Variants in NCOA4 observed in about 807,000 individuals in gnomAD.
NCOA4 encodes the protein 70 kDa AR-activator.
In NCOA4, 31 loss-of-function variants were observed where a neutral mutation model predicts 69.5. The ratio of observed to expected loss-of-function variants is 0.45; its 90% CI spans 0.34 to 0.60. The LOEUF is 0.60. Among genes scored for constraint, NCOA4 ranks in the 20% least tolerant of loss-of-function variants. The pLI is 0.02. For missense variants in NCOA4, 600 were observed against 719.2 expected, an observed-to-expected ratio of 0.83 and a Z score of 1.90; for synonymous variants, 228 against 252.4, an observed-to-expected ratio of 0.90 and a Z score of 0.92.
intron 2 of NCOA4, 115 bp downstream of exon 2, chr10:46,016,425 C>T (rs1297151721): frequency 1.1e-5 from 10 of 944,070 alleles, no homozygotes; most frequent in South Asian, 3.9e-5. Context: ...AAGTAGACCA[C>T]GCAAGGCATG....
intron 7 of NCOA4, among the ~76,000 whole-genome samples, chr10:46,011,792 G>A (rs1280101130): frequency 3.3e-5 from 5 of 151,574 alleles, no homozygotes; most frequent in African/African-American, 1.2e-4. Flanking sequence ...GGTGGTTCAC[G>A]CCTGTAATCC....
At chr10:46,024,652 G>A (rs1840063243) in intron 1 of NCOA4, among the ~76,000 whole-genome samples, 1 of 152,190 alleles carries the variant, frequency 6.6e-6, no homozygotes, top group Non-Finnish European at 1.5e-5. Context: ...TCTGCACTCA[G>A]ACCACTTTAC....
Position 46,011,755 on chromosome 10 carries a change from TAAAC to T in NCOA4, c.715-553_715-550del, listed in dbSNP as rs142140061. On this transcript the variant is annotated intron_variant, in intron 7 of 9. Transcript: ENST00000581486. The stretch of plus-strand genomic sequence containing the variant: ...CAGGCAAGTCATCAAAGAAGCCTAA[TAAAC>T]ATGAAAATACTTGGCCGGGTACGGT... 4.7e-3 allele frequency among the ~76,000 whole-genome samples: 720 copies of T among 151,762 alleles called. 5 individuals are homozygous for T. The highest frequency in any genetic ancestry group is 0.019 in the East Asian group (98 of 5,110).
chr10:46,010,917 T>C lies in NCOA4; in HGVS notation c.1004A>G (p.Tyr335Cys), dbSNP rs782671209. 3.7e-6 allele frequency: 6 copies of C among 1,613,986 alleles called. No homozygotes were observed. Among genetic ancestry groups the C allele is most frequent in the African/African-American group, 2.7e-5 (2 of 75,052 alleles). ...SEKFKLLFQS[Y>C]NVNDWLVKTD... ...CTTGACAAGCCAATCATTCACATTA[T>C]AGGACTGGAATAAGAGCTTAAACTT... Residue 335 changes from tyrosine to cysteine, a missense_variant, in exon 8 of 10, where the codon TAT (tyrosine) becomes TGT (cysteine). Physicochemically the swap from Tyr to Cys is radical, Grantham distance 194. Transcript: ENST00000581486.
intron 1 of NCOA4, among the ~76,000 whole-genome samples, chr10:46,027,224 T>C (rs1554925652): frequency 1.5e-5 from 2 of 131,066 alleles, no homozygotes; most frequent in Admixed American, 9.0e-5. Flanking sequence ...TGAGCGGAGA[T>C]CGCCCACTGC....
At chr10:46,007,985 C>T (rs1427032413) in intron 9 of NCOA4, among the ~76,000 whole-genome samples, 2 of 152,154 alleles carry the variant, frequency 1.3e-5, no homozygotes, top group African/African-American at 2.4e-5. Context: ...AACAACAAAG[C>T]TTGGATGACA....
rs1839359168 is a variant in NCOA4, at chr10:46,013,550, C to T, written c.570G>A (p.Gln190=). The T allele has an allele frequency of 6.2e-7, 1 of 1,604,160 alleles. No individual in the cohort carries two copies. Among genetic ancestry groups the T allele is most frequent in the Non-Finnish European group, 8.5e-7 (1 of 1,172,264 alleles). Residue 190 remains glutamine (Q), a splice_region_variant and synonymous_variant, in exon 6 of 10, where the codon CAG becomes CAA. Transcript: ENST00000581486. ...EKRGCISMPE[Q]KSASGIVAVP... is the part of the protein sequence containing the mutation. ...TACCAAAAACAAAATGATATTTTAC[C>T]TGCTCTGGCATGGAGATACAGCCTC...
chr10:46,030,178 G>A (rs1176390438), intron 1 of NCOA4, among the ~76,000 whole-genome samples: 5 of 152,234 alleles, frequency 3.3e-5, no homozygotes, highest in Non-Finnish European at 5.9e-5. Flanking sequence ...GAAGGCCGGC[G>A]GGGAGCAGGA....
intron 1 of NCOA4, among the ~76,000 whole-genome samples, chr10:46,022,769 GGTT>G (rs1839961778): frequency 6.6e-6 from 1 of 151,980 alleles, no homozygotes; most frequent in African/African-American, 2.4e-5. Flanking sequence ...CCGGCCTAAA[GGTT>G]GTTTTTTATA....
At chr10:46,009,813 T>G (rs1271417195) in intron 8 of NCOA4, among the ~76,000 whole-genome samples, 1 of 152,164 alleles carries the variant, frequency 6.6e-6, no homozygotes, top group Admixed American at 6.5e-5. Flanking sequence ...CATTCCAAAT[T>G]TAGTATTTAA....
At chr10:46,022,448 T>G (rs782035513) in intron 1 of NCOA4, 1 of 466,792 alleles carries the variant, frequency 2.1e-6, no homozygotes, top group Admixed American at 2.4e-5. Flanking sequence ...TTCCGTCTTT[T>G]TTTTAAAGGT....
At chr10:46,015,321 C>A in intron 2 of NCOA4, 55 bp from the exon 3 acceptor site, 1 of 1,497,022 alleles carries the variant, frequency 6.7e-7, no homozygotes, top group Non-Finnish European at 9.1e-7. Context: ...AATGATGTTT[C>A]CCAAAGAATA....
intron 9 of NCOA4, chr10:46,009,177 A>G: frequency 6.4e-7 from 1 of 1,551,314 alleles, no homozygotes; most frequent in East Asian, 2.4e-5. Context: ...GAAAATTCCC[A>G]ACGGTTACAT....
At chr10:46,028,955 A>G (rs540341888) in intron 1 of NCOA4, among the ~76,000 whole-genome samples, 1 of 148,512 alleles carries the variant, frequency 6.7e-6, no homozygotes, top group African/African-American at 2.5e-5. Flanking sequence ...GGGGAGGGAT[A>G]TGTGTCAGGA....
chr10:46,015,785 A>C (rs1186376943), intron 2 of NCOA4, among the ~76,000 whole-genome samples: 1 of 152,224 alleles, frequency 6.6e-6, no homozygotes, highest in African/African-American at 2.4e-5. Flanking sequence ...CATTTACAGG[A>C]GGCCAATTTA....
In NCOA4 at chr10:46,021,677, T is replaced by C. The variant is rs183448403; in HGVS notation, c.-14-4983A>G. ...TGGATAACACTAACAAAAATAGTAC[T>C]GGCCGGGCGCGGTGACTCACGCCTG... On this transcript the variant is annotated intron_variant, in intron 1 of 9. Transcript: ENST00000581486. 5.2e-3 allele frequency among the ~76,000 whole-genome samples: 795 copies of C among 152,152 alleles called. 5 individuals are homozygous for C. The highest frequency in any genetic ancestry group is 0.02 in the Middle Eastern group (6 of 294).
At chr10:46,025,191 A>G (rs1554925318) in intron 1 of NCOA4, among the ~76,000 whole-genome samples, 1 of 152,178 alleles carries the variant, frequency 6.6e-6, no homozygotes, top group Admixed American at 6.5e-5. Context: ...CCAATGATAC[A>G]AGTCCTGAAG....
At chr10:46,006,976 G>A (rs1838861663) in intron 9 of NCOA4, among the ~76,000 whole-genome samples, 1 of 152,210 alleles carries the variant, frequency 6.6e-6, no homozygotes, top group Non-Finnish European at 1.5e-5. Flanking sequence ...ATTAAACTTA[G>A]CGAGAAAGTC....
intron 1 of NCOA4, among the ~76,000 whole-genome samples, chr10:46,020,832 T>G (rs1262771708): frequency 3.9e-5 from 6 of 152,220 alleles, no homozygotes; most frequent in African/African-American, 1.4e-4. Context: ...TAAAAATGTC[T>G]TTTTATCTTC....
Sources: gnomAD v4.1 joint callset for allele counts (sites outside exome capture counted in the v4.1 genomes callset) on GRCh38, gnomAD v4.1.1 for gene constraint, MANE v1.5 for transcripts, NCBI Gene and HGNC (gene_info 2026-07-23, HGNC 2026-07-21) for gene names.